Variants in TRAPPC9 observed in about 807,000 individuals in gnomAD.
TRAPPC9 encodes the protein IKK2 binding protein.
In TRAPPC9, 83 loss-of-function variants were observed where a neutral mutation model predicts 124.0. That is an observed-to-expected ratio of 0.67 (90% CI 0.56 to 0.80). The LOEUF (loss-of-function observed/expected upper bound fraction) is 0.80. TRAPPC9 is among the 30% of genes least tolerant of loss of function. TRAPPC9 has a pLI of 0.00. For synonymous variants in TRAPPC9, 638 were observed against 617.5 expected, an observed-to-expected ratio of 1.03 and a Z score of -0.49; for missense variants, 1,302 against 1,508.3, an observed-to-expected ratio of 0.86 and a Z score of 2.27.
rs921547235 is a variant in TRAPPC9, at chr8:140,252,351, A to T, written c.2431+426T>A. 6.6e-6 allele frequency among the ~76,000 whole-genome samples: 1 copy of T among 152,156 alleles called. No homozygotes were observed. Among genetic ancestry groups the T allele is most frequent in the Non-Finnish European group, 1.5e-5 (1 of 68,024 alleles). On this transcript the variant is annotated intron_variant, in intron 16 of 22. Coordinates refer to ENST00000438773, the MANE Select transcript of TRAPPC9 (RefSeq NM_001160372.4). This position sits in a 1 kb window ranked among gnomAD's most constrained non-coding sequence, Gnocchi z 4.2. ...AATCTATGAAATCTTATCTCTAATC[A>T]GTCCTAATGTTACAACAAATATAAA...
chr8:140,219,034 G>A (rs1006216496), intron 17 of TRAPPC9, among the ~76,000 whole-genome samples: 1 of 152,022 alleles, frequency 6.6e-6, no homozygotes, highest in African/African-American at 2.4e-5. Flanking sequence ...CTGGCCTAAA[G>A]TCACAAAACT....
intron 19 of TRAPPC9, among the ~76,000 whole-genome samples, chr8:139,976,068 C>G (rs1836439698): frequency 6.7e-6 from 1 of 150,122 alleles, no homozygotes; most frequent in Non-Finnish European, 1.5e-5. Flanking sequence ...ATTTTTTGTA[C>G]TTTTAGTACA....
intron 15 of TRAPPC9, among the ~76,000 whole-genome samples, chr8:140,271,887 T>C (rs1353415171): frequency 6.6e-6 from 1 of 152,198 alleles, no homozygotes; most frequent in Non-Finnish European, 1.5e-5. Context: ...GTGGTGTCTG[T>C]GGCAATAGCA....
intron 12 of TRAPPC9, among the ~76,000 whole-genome samples, chr8:140,290,021 T>C (rs2065602579): frequency 6.6e-6 from 1 of 152,192 alleles, no homozygotes; most frequent in Non-Finnish European, 1.5e-5. Context: ...ACAGCCAGGC[T>C]GTCACATCTG....
intron 11 of TRAPPC9, among the ~76,000 whole-genome samples, chr8:140,293,659 G>A (rs542250151): frequency 2.0e-5 from 3 of 151,848 alleles, no homozygotes; most frequent in African/African-American, 7.3e-5. Flanking sequence ...GGTGGGAATT[G>A]AACAATGAGA....
chr8:140,081,847 A>C (rs1015433045), intron 17 of TRAPPC9: 2 of 152,254 alleles, frequency 1.3e-5, no homozygotes, highest in South Asian at 2.1e-4. Context: ...CCCTCAGTCC[A>C]TATCTCTGTC....
At chr8:140,086,450 C>G (rs1160553808) in intron 17 of TRAPPC9, among the ~76,000 whole-genome samples, 1 of 152,156 alleles carries the variant, frequency 6.6e-6, no homozygotes, top group Non-Finnish European at 1.5e-5. Flanking sequence ...GTGATGAGGG[C>G]AGCAGCCTCC....
chr8:139,904,030 T>C (rs904678548), intron 20 of TRAPPC9, among the ~76,000 whole-genome samples: 10 of 152,020 alleles, frequency 6.6e-5, no homozygotes, highest in African/African-American at 1.5e-4. Context: ...ACAGTTTTCA[T>C]ACCTATGTGC....
intron 21 of TRAPPC9, among the ~76,000 whole-genome samples, chr8:139,802,719 C>T (rs1167648723): frequency 6.6e-6 from 1 of 152,194 alleles, no homozygotes; most frequent in East Asian, 1.9e-4. Context: ...GGAATGCTTT[C>T]TATGTGGAAC....
At chr8:140,391,625 T>A (rs1488473058) in intron 7 of TRAPPC9, among the ~76,000 whole-genome samples, 1 of 149,692 alleles carries the variant, frequency 6.7e-6, no homozygotes, top group African/African-American at 2.5e-5. Context: ...GGCAGGAGAA[T>A]CGCTTGAACC....
intron 9 of TRAPPC9, among the ~76,000 whole-genome samples, chr8:140,355,495 TA>T (rs1480802972): frequency 2.6e-5 from 4 of 152,204 alleles, no homozygotes; most frequent in Non-Finnish European, 5.9e-5. Context: ...CAAAACTTCC[TA>T]CCATGACTAA....
In TRAPPC9 at chr8:140,076,704, G is replaced by A. The variant is rs76224090; in HGVS notation, c.2557-52625C>T. On this transcript the variant is annotated intron_variant, in intron 17 of 22. Transcript: ENST00000438773. ...GCACCCCAAGGCTGGCCTTGGCATC[G>A]GCGCCTACTGTCACACAGCCCTCAC... Among the ~76,000 whole-genome samples, 1,008 of 152,252 alleles carry A rather than the reference G, an allele frequency of 6.6e-3. 12 individuals are homozygous for A. Among genetic ancestry groups the A allele is most frequent in the African/African-American group, 0.022 (918 of 41,546 alleles).
intron 17 of TRAPPC9, among the ~76,000 whole-genome samples, chr8:140,181,418 G>A (rs919817498): frequency 2.6e-5 from 4 of 152,048 alleles, no homozygotes; most frequent in Admixed American, 6.6e-5. Context: ...CTGACAAGAC[G>A]TCCAGTTAAG....
intron 9 of TRAPPC9, among the ~76,000 whole-genome samples, chr8:140,329,417 G>T (rs574502228): frequency 6.6e-6 from 1 of 152,154 alleles, no homozygotes; most frequent in Admixed American, 6.5e-5. Flanking sequence ...CAAAGCGATG[G>T]CTCGTCTCCT....
chr8:140,158,823 T>C (rs184754480), intron 17 of TRAPPC9, among the ~76,000 whole-genome samples: 3 of 152,308 alleles, frequency 2.0e-5, no homozygotes, highest in Admixed American at 2.0e-4. Flanking sequence ...AACACTACCC[T>C]GGATTCATAT....
chr8:140,328,961 G>A (rs1381852678), intron 9 of TRAPPC9, among the ~76,000 whole-genome samples: 1 of 152,148 alleles, frequency 6.6e-6, no homozygotes, highest in Non-Finnish European at 1.5e-5. Flanking sequence ...CAGAGGAAGG[G>A]CAGGGCAAGC....
At chr8:140,135,905 T>C (rs2061296420) in intron 17 of TRAPPC9, among the ~76,000 whole-genome samples, 1 of 152,166 alleles carries the variant, frequency 6.6e-6, no homozygotes, top group South Asian at 2.1e-4. Context: ...GAGCCTGGCT[T>C]TCCTTCTATA....
At chr8:139,950,042 T>G (rs904147174) in intron 19 of TRAPPC9, among the ~76,000 whole-genome samples, 4 of 152,250 alleles carry the variant, frequency 2.6e-5, no homozygotes, top group African/African-American at 9.6e-5. Flanking sequence ...AACAAAGGTC[T>G]ATAAAATCAT....
chr8:139,964,492 C>T (rs538020609), intron 19 of TRAPPC9, among the ~76,000 whole-genome samples: 2 of 152,234 alleles, frequency 1.3e-5, no homozygotes, highest in South Asian at 2.1e-4. Context: ...AAGTTCTACT[C>T]GAGGCTCTTC....
Sources: allele counts gnomAD v4.1 joint callset (sites outside exome capture counted in the v4.1 genomes callset), GRCh38; gene constraint gnomAD v4.1.1; non-coding constraint Gnocchi (gnomAD v3.1); transcripts MANE v1.5; gene names NCBI Gene and HGNC (gene_info 2026-07-23, HGNC 2026-07-21).